PLD5: variants seen among roughly 807,000 people sequenced by gnomAD.
The protein encoded by PLD5 is inactive phospholipase D5.
A neutral mutation model predicts 61.1 loss-of-function variants in PLD5; 36 were observed. The observed-to-expected ratio is 0.59, with a 90% CI of 0.45 to 0.78. The LOEUF (loss-of-function observed/expected upper bound fraction) is 0.78. Among genes scored for constraint, PLD5 ranks in the 30% least tolerant of loss-of-function variants. PLD5 has a pLI of 0.00. For missense variants in PLD5, 515 were observed against 644.4 expected, an observed-to-expected ratio of 0.80 and a Z score of 2.17; for synonymous variants, 243 against 242.8, an observed-to-expected ratio of 1.00 and a Z score of -0.01.
At chr1:242,199,537 G>A (rs772195598) in intron 5 of PLD5, among the ~76,000 whole-genome samples, 3 of 152,178 alleles carry the variant, frequency 2.0e-5, no homozygotes, top group Non-Finnish European at 4.4e-5. Flanking sequence ...TTACAGGGGT[G>A]AGCCATGGTG....
At chr1:242,452,215 T>C (rs1666806737) in intron 1 of PLD5, among the ~76,000 whole-genome samples, 1 of 150,826 alleles carries the variant, frequency 6.6e-6, no homozygotes, top group South Asian at 2.1e-4. Flanking sequence ...ATTTTGGACT[T>C]TTTTTTTTCA....
Position 242,115,026 on chromosome 1 carries a change from A to C in PLD5, c.934-1000T>G, listed in dbSNP as rs368622485. Among the ~76,000 whole-genome samples, 313 of 151,952 alleles carry C rather than the reference A, an allele frequency of 2.1e-3. 1 individual carries two copies. The highest frequency in any genetic ancestry group is 0.018 in the South Asian group (87 of 4,786). ...ACCCCGTCTCTACTAAAAATACAAAAAATTAGCCAGGCGTGGTGGTGTGCA... is the reference window on the plus strand; with the variant it reads ...ACCCCGTCTCTACTAAAAATACAAACAATTAGCCAGGCGTGGTGGTGTGCA... On this transcript the variant is annotated intron_variant, in intron 6 of 9. Coordinates refer to ENST00000536534, the MANE Select transcript of PLD5 (RefSeq NM_001372062.1).
At chr1:242,311,789 CA>C (rs1286005903) in intron 2 of PLD5, among the ~76,000 whole-genome samples, 3 of 152,158 alleles carry the variant, frequency 2.0e-5, no homozygotes, top group African/African-American at 7.2e-5. Context: ...ATTGTTTCTT[CA>C]AATAATCTCT....
intron 5 of PLD5, among the ~76,000 whole-genome samples, chr1:242,200,317 C>T (rs1668905693): frequency 6.6e-6 from 1 of 152,176 alleles, no homozygotes. Context: ...ATGTTTTTCT[C>T]TCTGACTTGT....
At position 242,524,102 on chromosome 1, in the gene PLD5, C is replaced by A. The variant is rs1184516165; in HGVS notation, c.175G>T (p.Asp59Tyr). 4.6e-6 allele frequency: 7 copies of A among 1,534,932 alleles called. No individual in the cohort carries two copies. Among genetic ancestry groups the A allele is most frequent in the Admixed American group, 2.0e-5 (1 of 50,956 alleles). ...YSASVWLRRK[D>Y]KLEHSQQKCI... is the part of the protein sequence containing the mutation. Reference sequence around the variant, plus strand: ...GTCGCCCTTACGTGCTCCAGCTTGTCTTTCCTCCGAAGCCAGACGCTGGCG... The same window carrying A: ...GTCGCCCTTACGTGCTCCAGCTTGTATTTCCTCCGAAGCCAGACGCTGGCG... Residue 59 changes from aspartate to tyrosine, a missense_variant, in exon 1 of 10, where the codon GAC (aspartate) becomes TAC (tyrosine). Physicochemically the swap from Asp to Tyr is radical, Grantham distance 160. This residue lies in a region of PLD5 where 450 missense variants were observed against 598.1 expected (regional missense o/e 0.75). Coordinates refer to ENST00000536534, the MANE Select transcript of PLD5 (RefSeq NM_001372062.1).
intron 5 of PLD5, among the ~76,000 whole-genome samples, chr1:242,216,337 G>A (rs1235722964): frequency 2.6e-5 from 4 of 152,132 alleles, no homozygotes; most frequent in Non-Finnish European, 5.9e-5. Flanking sequence ...TTATAGAATA[G>A]AGACACAAAC....
Position 242,269,450 on chromosome 1 carries a change from G to A in PLD5, c.496-4002C>T, listed in dbSNP as rs368095366. ...TTAATGTAGGAGACCCTTCAATCCT[G>A]TAGGGGAGGAAATAAACCTGTTTCT... On this transcript the variant is annotated intron_variant, in intron 3 of 9. Transcript: ENST00000536534. Among the ~76,000 whole-genome samples, 103 of 151,144 alleles carry A rather than the reference G, an allele frequency of 6.8e-4. 1 individual carries two copies. Among genetic ancestry groups the A allele is most frequent in the African/African-American group, 2.1e-3 (88 of 41,076 alleles).
chr1:242,171,899 G>C lies in PLD5; in HGVS notation c.736-47234C>G, dbSNP rs529053702. ...AGGAGCACCTAGATTCATAAAGCAA[G>C]TTCTAAGAGACCTACAAAGAGACAA... On this transcript the variant is annotated intron_variant, in intron 5 of 9. Transcript: ENST00000536534. Among the ~76,000 whole-genome samples the C allele has an allele frequency of 9.2e-5, 14 of 152,206 alleles. No homozygotes were observed. The South Asian group carries it at 2.5e-3, about 27-fold the overall frequency.
intron 1 of PLD5, among the ~76,000 whole-genome samples, chr1:242,513,239 C>A (rs532955982): frequency 1.6e-4 from 24 of 152,230 alleles, no homozygotes; most frequent in African/African-American, 5.8e-4. Flanking sequence ...GTAGCATATG[C>A]CGTCTTATTC....
chr1:242,214,289 A>C (rs12119612), intron 5 of PLD5, among the ~76,000 whole-genome samples: 48,429 of 151,932 alleles, frequency 0.32, 7,782 homozygotes, highest in South Asian at 0.43. Flanking sequence ...AGAATGGGGC[A>C]CTGATACTGG....
At position 242,394,490 on chromosome 1, in the gene PLD5, A is replaced by G. The variant is rs1397313984; in HGVS notation, c.190-46248T>C. 3.7e-4 allele frequency among the ~76,000 whole-genome samples: 27 copies of G among 73,894 alleles called. 6 individuals are homozygous for G. The highest frequency in any genetic ancestry group is 6.2e-4 in the Non-Finnish European group (27 of 43,464). 48.5% of individuals were successfully genotyped at this position (73,894 alleles called of 152,430 possible). Reference sequence around the variant, plus strand: ...AACATATATATGTGTATATATGTGAACATATATATGTGTATATATGTGAAC... The same window carrying G: ...AACATATATATGTGTATATATGTGAGCATATATATGTGTATATATGTGAAC... On this transcript the variant is annotated intron_variant, in intron 1 of 9. Coordinates refer to ENST00000536534, the MANE Select transcript of PLD5 (RefSeq NM_001372062.1).
chr1:242,277,071 A>T (rs1674454179), intron 3 of PLD5, among the ~76,000 whole-genome samples: 1 of 152,064 alleles, frequency 6.6e-6, no homozygotes, highest in Admixed American at 6.5e-5. Context: ...AGTAGCTGAA[A>T]ATTACCTGTG....
chr1:242,233,817 T>G (rs1057225402), intron 4 of PLD5, among the ~76,000 whole-genome samples: 2 of 152,132 alleles, frequency 1.3e-5, no homozygotes, highest in African/African-American at 4.8e-5. Flanking sequence ...CTCTGTCTCC[T>G]CCTACACTCT....
intron 6 of PLD5, among the ~76,000 whole-genome samples, chr1:242,124,234 G>T: frequency 6.6e-6 from 1 of 152,120 alleles, no homozygotes; most frequent in African/African-American, 2.4e-5. Flanking sequence ...GGGTGATTGA[G>T]GGAATCAAAT....
At chr1:242,169,474 C>G (rs560073931) in intron 5 of PLD5, among the ~76,000 whole-genome samples, 1 of 152,308 alleles carries the variant, frequency 6.6e-6, no homozygotes, top group South Asian at 2.1e-4. Flanking sequence ...AGTGCCTACC[C>G]CACAAGGGCC....
rs142488850 is a variant in PLD5, at chr1:242,411,942, G to GAA, written c.190-63702_190-63701dup. On this transcript the variant is annotated intron_variant, in intron 1 of 9. Transcript: ENST00000536534. Reference sequence around the variant, plus strand: ...GTACTTATAATTTTCCTTTAAAAAAGAAAAAAAAAGGAGAGAGGGAGCTGT... The same window carrying GAA: ...GTACTTATAATTTTCCTTTAAAAAAGAAAAAAAAAAAGGAGAGAGGGAGCTGT... Among the ~76,000 whole-genome samples the GAA allele has an allele frequency of 3.3e-4, 49 of 150,240 alleles. 1 individual carries two copies. Among genetic ancestry groups the GAA allele is most frequent in the Admixed American group, 8.6e-4 (13 of 15,088 alleles).
At chr1:242,220,251 T>G (rs1670481843) in intron 4 of PLD5, 136 bp from the exon 5 acceptor site, 1 of 1,173,736 alleles carries the variant, frequency 8.5e-7, no homozygotes, top group African/African-American at 1.5e-5. Context: ...TTTATGTTAG[T>G]TTGGTGGAGA....
In PLD5 at chr1:242,265,246, C is replaced by T. The variant is rs1360956520; in HGVS notation, c.607+91G>A. On this transcript the variant is annotated intron_variant, in intron 4 of 9. Coordinates refer to ENST00000536534, the MANE Select transcript of PLD5 (RefSeq NM_001372062.1). Reference sequence around the variant, plus strand: ...CTATGTACTAAGTGAAATGTACTAACCATAAAGAAATTATATATTATTTTA... The same window carrying T: ...CTATGTACTAAGTGAAATGTACTAATCATAAAGAAATTATATATTATTTTA... The T allele has an allele frequency of 9.0e-6, 13 of 1,449,078 alleles. No homozygotes were observed. In the East Asian group the frequency reaches 3.4e-4, roughly 38 times the overall value. 89.8% of individuals were successfully genotyped at this position (1,449,078 alleles called of 1,614,324 possible).
At chr1:242,507,012 C>T (rs546308231) in intron 1 of PLD5, among the ~76,000 whole-genome samples, 86 of 152,188 alleles carry the variant, frequency 5.7e-4, no homozygotes, top group Non-Finnish European at 1.1e-3. Flanking sequence ...GAGAGGTGGC[C>T]CAGGCGGCAG....
Sources: allele counts gnomAD v4.1 joint callset (sites outside exome capture counted in the v4.1 genomes callset), GRCh38; gene constraint gnomAD v4.1.1; regional missense constraint gnomAD v4.1.1; transcripts MANE v1.5; gene names NCBI Gene and HGNC (gene_info 2026-07-23, HGNC 2026-07-21).